COL5A1: variants seen among roughly 807,000 people sequenced by gnomAD.
The protein encoded by COL5A1 is collagen alpha-1(V) chain.
In COL5A1, 16 loss-of-function variants were observed where a neutral mutation model predicts 263.7. The ratio of observed to expected loss-of-function variants is 0.06; its 90% confidence interval spans 0.04 to 0.09. COL5A1 has a LOEUF of 0.09. COL5A1 is among the 10% of genes least tolerant of loss of function. The pLI is 1.00. For synonymous variants in COL5A1, 1,012 were observed against 1,004.5 expected (o/e 1.01, Z -0.14); for missense variants, 2,036 against 2,540.5 (o/e 0.80, Z 4.27).
At chr9:134,815,735 T>C in intron 51 of COL5A1, 106 bp downstream of exon 51, 1 of 1,374,454 alleles carries the variant, frequency 7.3e-7, no homozygotes, top group Non-Finnish European at 1.0e-6. Flanking sequence ...GAACTCCCAC[T>C]GGGGCAGGCA....
intron 1 of COL5A1, among the ~76,000 whole-genome samples, chr9:134,684,062 C>T (rs975991226): frequency 6.6e-6 from 1 of 152,312 alleles, no homozygotes; most frequent in African/African-American, 2.4e-5. Flanking sequence ...ACTTCTGCAG[C>T]GTTTCTGTTG....
In COL5A1 at chr9:134,777,368, G is replaced by C. The variant is rs1837092680; in HGVS notation, c.2385+2456G>C. Among the ~76,000 whole-genome samples, 4 of 152,230 alleles carry C rather than the reference G, an allele frequency of 2.6e-5. No individual in the cohort carries two copies. In the South Asian group the frequency reaches 8.3e-4, roughly 31 times the overall value. On this transcript the variant is annotated intron_variant, in intron 27 of 65. Transcript: ENST00000371817. Reference sequence around the variant, plus strand: ...GCCGAGTCACGGATGCCCCAATCCAGCCCTTCCCAGCCAGGGCCACTTCCT... The same window carrying C: ...GCCGAGTCACGGATGCCCCAATCCACCCCTTCCCAGCCAGGGCCACTTCCT...
At chr9:134,676,630 G>T (rs566379036) in intron 1 of COL5A1, among the ~76,000 whole-genome samples, 1 of 152,334 alleles carries the variant, frequency 6.6e-6, no homozygotes, top group African/African-American at 2.4e-5. Flanking sequence ...ACTGGCATTC[G>T]TCTTGGAGCC....
rs141088593 is a variant in COL5A1 at position 134,783,529 on chromosome 9, G to A, written c.2484+809G>A. Among the ~76,000 whole-genome samples the A allele has an allele frequency of 1.7e-4, 26 of 152,310 alleles. No individual in the cohort carries two copies. The East Asian group carries it at 4.4e-3, about 26-fold the overall frequency. On this transcript the variant is annotated intron_variant, in intron 29 of 65. Transcript: ENST00000371817. The stretch of plus-strand genomic sequence containing the variant: ...GAGCAGAAGCCCAGCAGAAGGAACC[G>A]AAGACGCCTCGGCCTCCGGTGGGCA...
At chr9:134,832,649 G>A (rs983336532) in intron 64 of COL5A1, 15 of 152,216 alleles carry the variant, frequency 9.9e-5, no homozygotes, top group Non-Finnish European at 2.1e-4. Flanking sequence ...GCTCCCTGTG[G>A]TGCACACTCT....
intron 26 of COL5A1, among the ~76,000 whole-genome samples, chr9:134,773,600 A>G (rs1486464214): frequency 6.6e-6 from 1 of 152,186 alleles, no homozygotes; most frequent in Non-Finnish European, 1.5e-5. Context: ...AGGCTCTGGA[A>G]TCGGGCCTGA....
At chr9:134,702,274 G>A (rs1025974738) in intron 4 of COL5A1, among the ~76,000 whole-genome samples, 1 of 152,194 alleles carries the variant, frequency 6.6e-6, no homozygotes. Flanking sequence ...AAACCTGTTC[G>A]AAAGCCACTG....
chr9:134,743,630 G>A (rs1025665255), intron 11 of COL5A1, among the ~76,000 whole-genome samples: 2 of 152,162 alleles, frequency 1.3e-5, no homozygotes, highest in African/African-American at 2.4e-5. Flanking sequence ...CCTGCACAGT[G>A]GGATGCATTT....
At chr9:134,673,386 G>A (rs1188639536) in intron 1 of COL5A1, among the ~76,000 whole-genome samples, 1 of 151,004 alleles carries the variant, frequency 6.6e-6, no homozygotes, top group Non-Finnish European at 1.5e-5. Flanking sequence ...TTCCATAAAA[G>A]TGCTAAGATG....
At chr9:134,825,006 G>C in intron 62 of COL5A1, 151 bp downstream of exon 62, 3 of 1,160,726 alleles carry the variant, frequency 2.6e-6, no homozygotes, top group South Asian at 1.6e-5. Flanking sequence ...GGGTGCGCAA[G>C]AGCCTCCCCT....
chr9:134,800,148 A>G (rs1301006884), intron 37 of COL5A1, among the ~76,000 whole-genome samples: 1 of 152,212 alleles, frequency 6.6e-6, no homozygotes, highest in Non-Finnish European at 1.5e-5. Context: ...TGAGCCAGAA[A>G]CTTATTTCTC....
At chr9:134,797,036 G>A in intron 36 of COL5A1, 135 bp downstream of exon 36, 2 of 982,442 alleles carry the variant, frequency 2.0e-6, no homozygotes, top group South Asian at 1.3e-5. Flanking sequence ...AGGGAGGCCC[G>A]AGGTGAAATT....
intron 1 of COL5A1, among the ~76,000 whole-genome samples, chr9:134,653,909 G>T (rs1171273364): frequency 1.3e-5 from 2 of 151,710 alleles, no homozygotes; most frequent in African/African-American, 4.8e-5. Context: ...GGGTGTGTAG[G>T]GCTGGGGGTG....
At chr9:134,734,369 C>T (rs116269329) in intron 9 of COL5A1, among the ~76,000 whole-genome samples, 3,574 of 152,296 alleles carry the variant, frequency 0.023, 99 homozygotes, top group South Asian at 0.12. Context: ...TTCCCTCCCC[C>T]GGGCCCCAGC....
chr9:134,818,790 G>C lies in COL5A1; in HGVS notation c.4338+27G>C, dbSNP rs1237014250. Reference sequence around the variant, plus strand: ...TGAGTAGGCTGTGAGGGGCAGAGGGGTTGCCGAGTGGAGGGACGGGGGACC... The same window carrying C: ...TGAGTAGGCTGTGAGGGGCAGAGGGCTTGCCGAGTGGAGGGACGGGGGACC... On this transcript the variant is annotated intron_variant, in intron 55 of 65. Coordinates refer to ENST00000371817, the MANE Select transcript of COL5A1 (RefSeq NM_000093.5). This position sits in a 1 kb window ranked among gnomAD's most constrained non-coding sequence, Gnocchi z 6.0. The C allele has an allele frequency of 6.2e-7, 1 of 1,612,336 alleles. No homozygotes were observed. The highest frequency in any genetic ancestry group is 1.7e-5 in the Admixed American group (1 of 60,002).
intron 62 of COL5A1, 30 bp from the exon 63 acceptor site, chr9:134,825,762 C>G (rs568219720): frequency 1.4e-6 from 2 of 1,458,964 alleles, no homozygotes; most frequent in South Asian, 2.3e-5. Context: ...TCTGACTCTG[C>G]CTGCCTCCCT....
At position 134,818,991 on chromosome 9, in the gene COL5A1, C is replaced by T. The variant is rs11792181; in HGVS notation, c.4393-9C>T. ...ATGAGGACTCTGATCCCCCTGCCTC[C>T]TCCCACAGGGTCCCCCAGGACTTCC... On this transcript the variant is annotated splice_polypyrimidine_tract_variant and intron_variant, in intron 56 of 65. Coordinates refer to ENST00000371817, the MANE Select transcript of COL5A1 (RefSeq NM_000093.5). This position sits in a 1 kb window ranked among gnomAD's most constrained non-coding sequence, Gnocchi z 6.0. 51,135 of 1,613,360 alleles carry T rather than the reference C, an allele frequency of 0.032. 978 individuals carry two copies. Among genetic ancestry groups the T allele is most frequent in the Non-Finnish European group, 0.036 (42,242 of 1,179,902 alleles).
chr9:134,744,485 ACAGT>A (rs994777519), intron 11 of COL5A1, among the ~76,000 whole-genome samples: 3 of 151,134 alleles, frequency 2.0e-5, no homozygotes, highest in Non-Finnish European at 4.4e-5. Flanking sequence ...GTATGCATGC[ACAGT>A]CACCCACACC....
intron 9 of COL5A1, 61 bp from the exon 10 acceptor site, chr9:134,738,413 G>A: frequency 1.3e-6 from 2 of 1,587,752 alleles, no homozygotes; most frequent in Admixed American, 1.7e-5. Flanking sequence ...CACACCACTG[G>A]GGTCTGGGGT....
Sources: gnomAD v4.1 joint callset for allele counts (sites outside exome capture counted in the v4.1 genomes callset) on GRCh38, gnomAD v4.1.1 for gene constraint, Gnocchi (gnomAD v3.1) non-coding constraint, MANE v1.5 for transcripts, NCBI Gene and HGNC (gene_info 2026-07-23, HGNC 2026-07-21) for gene names.